Variants in ZNF765 observed in about 807,000 individuals in gnomAD.
The protein encoded by ZNF765 is zinc finger protein 765.
ZNF765 carries 37 observed loss-of-function variants against 44.7 expected under a neutral mutation model. The ratio of observed to expected loss-of-function variants is 0.83; its 90% CI spans 0.64 to 1.09. The LOEUF is 1.09. ZNF765 is among the 50% of genes least tolerant of loss of function. ZNF765 has a pLI of 0.00. For synonymous variants in ZNF765, 201 were observed against 213.7 expected (o/e 0.94, Z 0.52); for missense variants, 594 against 626.1 (o/e 0.95, Z 0.55).
intron 3 of ZNF765, among the ~76,000 whole-genome samples, chr19:53,417,962 CCTT>C (rs931572012): frequency 1.3e-5 from 2 of 152,178 alleles, no homozygotes; most frequent in Non-Finnish European, 2.9e-5. Context: ...TTTCCTGCTT[CCTT>C]CTTGTGAGAC....
chr19:53,421,876 TAAGAC>T (rs2147108549), intron 3 of ZNF765, among the ~76,000 whole-genome samples: 1 of 152,296 alleles, frequency 6.6e-6, no homozygotes, highest in African/African-American at 2.4e-5. Context: ...GTCATGTAGT[TAAGAC>T]ATGATATCAG....
Position 53,409,081 on chromosome 19 carries a change from T to C in ZNF765, c.1526T>C (p.Leu509Pro), listed in dbSNP as rs556913350. 1.9e-6 allele frequency: 3 copies of C among 1,613,804 alleles called. No individual in the cohort carries two copies. The East Asian group carries it at 6.7e-5, about 36-fold the overall frequency. ...CDEAFSFKSN[L>P]ERHRRIYTGE... ...GAAGCTTTCAGTTTCAAATCAAACC[T>C]TGAAAGACATAGGAGAATTTATACT... The change falls in exon 4 of 4, where the codon CTT becomes CCT. Residue 509 changes from leucine to proline, a missense_variant. By Grantham distance (98) the Leu-to-Pro change is moderately conservative (BLOSUM62 -3). Around this residue, in one of 2 missense-constraint regions of ZNF765, gnomAD observed 567 missense variants for 572.6 expected, o/e 0.99. Coordinates refer to ENST00000396408, the MANE Select transcript of ZNF765 (RefSeq NM_001040185.3).
At chr19:53,421,866 G>A (rs1384854276) in intron 3 of ZNF765, among the ~76,000 whole-genome samples, 7 of 152,134 alleles carry the variant, frequency 4.6e-5, no homozygotes, top group South Asian at 2.1e-4. Context: ...AGTGTTTCAC[G>A]TCATGTAGTT....
chr19:53,395,526 C>A (rs1314310784), intron 1 of ZNF765, among the ~76,000 whole-genome samples: 1 of 152,254 alleles, frequency 6.6e-6, no homozygotes. Flanking sequence ...GAGCGCCTCC[C>A]AGTCTCGCCC....
Position 53,409,671 on chromosome 19 carries a change from C to T in ZNF765, c.*544C>T, listed in dbSNP as rs1158806324. 22 of 1,160,424 alleles carry T rather than the reference C, an allele frequency of 1.9e-5. No homozygotes were observed. Among genetic ancestry groups the T allele is most frequent in the Middle Eastern group, 2.0e-4 (1 of 5,126 alleles). The allele number at this position is 1,160,424 out of a possible 1,614,324, so 71.9% of individuals were successfully genotyped here. A position where few individuals can be genotyped will look rare whatever the true frequency, so the allele number is the denominator to read the frequency against. On this transcript the variant is annotated 3_prime_UTR_variant, in exon 4 of 4. Coordinates refer to ENST00000396408, the MANE Select transcript of ZNF765 (RefSeq NM_001040185.3). ...TCAGAACTCATACCTTACACGCCAT[C>T]GTAGACTTCATACTGGAGGATACCT...
chr19:53,398,781 G>A (rs1476300876), intron 2 of ZNF765, among the ~76,000 whole-genome samples: 1 of 151,968 alleles, frequency 6.6e-6, no homozygotes, highest in East Asian at 1.9e-4. Context: ...ATGAAGTCTT[G>A]CTTTGTCGCC....
In ZNF765 at chr19:53,410,457, A is replaced by T; in HGVS notation, c.*1330A>T. On this transcript the variant is annotated 3_prime_UTR_variant, in exon 4 of 4. Coordinates refer to ENST00000396408, the MANE Select transcript of ZNF765 (RefSeq NM_001040185.3). ...GTTTGTGACAAGGCTTTCAGGCATA[A>T]TTCGCACCTGGCACAACATCCTAGA... The T allele has an allele frequency of 2.8e-6, 1 of 362,870 alleles. No homozygotes were observed. Among genetic ancestry groups the T allele is most frequent in the East Asian group, 7.1e-5 (1 of 14,154 alleles). The allele number at this position is 362,870 out of a possible 1,614,324, so 22.5% of individuals were successfully genotyped here.
intron 1 of ZNF765, among the ~76,000 whole-genome samples, chr19:53,396,722 T>C (rs567097223): frequency 2.8e-3 from 424 of 152,366 alleles, no homozygotes; most frequent in Non-Finnish European, 4.5e-3. Flanking sequence ...TCTTCTTTTC[T>C]TTTTAACCCT....
At chr19:53,414,927 T>C (rs2085866011), downstream of ZNF765, among the ~76,000 whole-genome samples, 2 of 152,092 alleles carry the variant, frequency 1.3e-5, no homozygotes, top group African/African-American at 4.8e-5. Context: ...CACCATGGAA[T>C]CTGATGTGGC....
downstream of ZNF765, among the ~76,000 whole-genome samples, chr19:53,417,009 G>T (rs189972869): frequency 5.6e-3 from 851 of 152,108 alleles, 4 homozygotes; most frequent in African/African-American, 0.019. Context: ...GTAGAGACGA[G>T]GTTTCACCAT....
chr19:53,414,328 C>T (rs1261781193), downstream of ZNF765, among the ~76,000 whole-genome samples: 1 of 150,014 alleles, frequency 6.7e-6, no homozygotes, highest in African/African-American at 2.5e-5. Flanking sequence ...TAAGTTGCTA[C>T]ATGGAGAGCA....
intron 2 of ZNF765, among the ~76,000 whole-genome samples, chr19:53,400,518 C>T (rs2085713631): frequency 6.6e-6 from 1 of 152,020 alleles, no homozygotes; most frequent in Admixed American, 6.6e-5. Flanking sequence ...TATCCTTTTG[C>T]AGCAAGATGA....
chr19:53,406,085 C>A (rs7254693), intron 3 of ZNF765, among the ~76,000 whole-genome samples: 115,982 of 141,228 alleles, frequency 0.82, 48,112 homozygotes, highest in Admixed American at 0.85. Context: ...CTGGAGTGCA[C>A]AGGTGCAATC....
At chr19:53,396,514 A>G (rs2085672070) in intron 1 of ZNF765, among the ~76,000 whole-genome samples, 1 of 152,246 alleles carries the variant, frequency 6.6e-6, no homozygotes. Context: ...GCATAGCATA[A>G]CTTGTGGCCT....
At chr19:53,420,026 T>A (rs972051772) in intron 3 of ZNF765, among the ~76,000 whole-genome samples, 1 of 149,426 alleles carries the variant, frequency 6.7e-6, no homozygotes, top group Non-Finnish European at 1.5e-5. Context: ...GTCTCAAAAA[T>A]AATAATAAAA....
exon 4 of ZNF765, chr19:53,427,278 C>T: frequency 1.4e-5 from 2 of 142,500 alleles, no homozygotes. Context: ...AATTTTAATT[C>T]TCATATTGTT....
intron 3 of ZNF765, among the ~76,000 whole-genome samples, chr19:53,406,167 T>A (rs2085774379): frequency 6.6e-6 from 1 of 150,774 alleles, no homozygotes; most frequent in South Asian, 2.1e-4. Context: ...TAGCTGAGAT[T>A]ACAGGCAGCC....
intron 3 of ZNF765, among the ~76,000 whole-genome samples, chr19:53,419,570 G>A (rs1349508621): frequency 6.6e-6 from 1 of 152,192 alleles, no homozygotes; most frequent in African/African-American, 2.4e-5. Flanking sequence ...TGGCTTAAAA[G>A]AAAGTCTAAT....
At chr19:53,420,351 ATAAATG>A in intron 3 of ZNF765, among the ~76,000 whole-genome samples, 1 of 152,346 alleles carries the variant, frequency 6.6e-6, no homozygotes, top group Non-Finnish European at 1.5e-5. Flanking sequence ...ATATAAATAA[ATAAATG>A]TAATCAAATC....
Sources: gnomAD v4.1 joint callset for allele counts (sites outside exome capture counted in the v4.1 genomes callset) on GRCh38, gnomAD v4.1.1 for gene constraint, gnomAD v4.1.1 regional missense constraint, MANE v1.5 for transcripts, NCBI Gene and HGNC (gene_info 2026-07-23, HGNC 2026-07-21) for gene names.